HMGCS1: variants seen among roughly 807,000 people sequenced by gnomAD.
HMGCS1 encodes the protein hydroxymethylglutaryl-CoA synthase, cytoplasmic.
A neutral mutation model predicts 52.3 loss-of-function variants in HMGCS1; 9 were observed. The ratio of observed to expected loss-of-function variants is 0.17; its 90% CI spans 0.10 to 0.30. The LOEUF (loss-of-function observed/expected upper bound fraction) is 0.30, where lower values mean the gene tolerates loss of function less well. HMGCS1 is among the 10% of genes least tolerant of loss of function. The pLI is 1.00. For missense variants in HMGCS1, 320 were observed against 620.9 expected (o/e 0.52, Z 5.15); for synonymous variants, 176 against 214.4 (o/e 0.82, Z 1.57).
chr5:43,309,575 G>A (rs1174165546), intron 1 of HMGCS1, among the ~76,000 whole-genome samples: 1 of 152,168 alleles, frequency 6.6e-6, no homozygotes, highest in African/African-American at 2.4e-5. Context: ...ATTGGAGAGG[G>A]ATGTTAGGTG....
At chr5:43,293,003 G>GA (rs1753854570) in intron 8 of HMGCS1, 30 bp from the exon 9 acceptor site, 1 of 1,548,138 alleles carries the variant, frequency 6.5e-7, no homozygotes, top group Non-Finnish European at 8.7e-7. Flanking sequence ...AACATTAAAA[G>GA]ATTTTTTTGA....
At chr5:43,292,408 A>G in intron 10 of HMGCS1, 66 bp downstream of exon 10, 1 of 1,315,986 alleles carries the variant, frequency 7.6e-7, no homozygotes, top group Non-Finnish European at 1.1e-6. Flanking sequence ...ACATTTATTT[A>G]TGTTGCTAAA....
At position 43,289,929 on chromosome 5, in the gene HMGCS1, T is replaced by A. The variant is rs981848246; in HGVS notation, c.*1202A>T. On this transcript the variant is annotated 3_prime_UTR_variant, in exon 11 of 11. Transcript: ENST00000325110. ...ATGTCATAGTTCAGCACCAAAAAGA[T>A]CTACACAAAACTGTTTAACCAATCT... 6 of 152,590 alleles carry A rather than the reference T, an allele frequency of 3.9e-5. No individual in the cohort carries two copies. Among genetic ancestry groups the A allele is most frequent in the Admixed American group, 3.9e-4 (6 of 15,270 alleles). 9.5% of individuals were successfully genotyped at this position (152,590 alleles called of 1,614,324 possible). A position where few individuals can be genotyped will look rare whatever the true frequency, so the allele number is the denominator to read the frequency against.
intron 2 of HMGCS1, among the ~76,000 whole-genome samples, chr5:43,303,204 T>C (rs937152513): frequency 4.6e-5 from 7 of 152,372 alleles, no homozygotes; most frequent in African/African-American, 1.7e-4. Context: ...GCCTGAATTA[T>C]GGATTGAAAT....
intron 1 of HMGCS1, among the ~76,000 whole-genome samples, chr5:43,312,684 T>A (rs1352400330): frequency 6.6e-6 from 1 of 151,968 alleles, no homozygotes; most frequent in Non-Finnish European, 1.5e-5. Flanking sequence ...GCCTATTTTT[T>A]AAAACGTAGA....
Position 43,289,765 on chromosome 5 carries a change from C to A in HMGCS1, c.*1366G>T, listed in dbSNP as rs957181338. 2 of 152,532 alleles carry A rather than the reference C, an allele frequency of 1.3e-5. No individual in the cohort carries two copies. Among genetic ancestry groups the A allele is most frequent in the South Asian group, 2.1e-4 (1 of 4,830 alleles). 9.4% of individuals were successfully genotyped at this position (152,532 alleles called of 1,614,324 possible). ...CTACTATTACATATTACCTTGCAAT[C>A]TGAAACATTATATTTCATATTTGTG... On this transcript the variant is annotated 3_prime_UTR_variant, in exon 11 of 11. Transcript: ENST00000325110.
rs1753607358 is a variant in HMGCS1, at chr5:43,288,792, T to A, written c.*2339A>T. 6.6e-6 allele frequency: 1 copy of A among 152,186 alleles called. No individual in the cohort carries two copies. Among genetic ancestry groups the A allele is most frequent in the Non-Finnish European group, 1.5e-5 (1 of 68,038 alleles). The allele number at this position is 152,186 out of a possible 1,614,324, so 9.4% of individuals were successfully genotyped here. ...CATGACATGATGATAAAATATGAGC[T>A]GATCAGTATTAGAAAATATATAATT... On this transcript the variant is annotated 3_prime_UTR_variant, in exon 11 of 11. Coordinates refer to ENST00000325110, the MANE Select transcript of HMGCS1 (RefSeq NM_001098272.3).
Position 43,298,495 on chromosome 5 carries a change from C to T in HMGCS1, c.448+23G>A, listed in dbSNP as rs781457001. 30 of 1,577,720 alleles carry T rather than the reference C, an allele frequency of 1.9e-5. No homozygotes were observed. The highest frequency in any genetic ancestry group is 1.3e-4 in the Admixed American group (7 of 55,432). ...CTTAGAAAAAAATTTTGGGGGACGG[C>T]GGGGAATAGGCATGTAACATACCAT... is the stretch of plus-strand genomic sequence containing the variant. On this transcript the variant is annotated intron_variant, in intron 3 of 10. Coordinates refer to ENST00000325110, the MANE Select transcript of HMGCS1 (RefSeq NM_001098272.3). This position sits in a 1 kb window ranked among gnomAD's most constrained non-coding sequence, Gnocchi z 5.6.
At chr5:43,309,749 C>A (rs1414784598) in intron 1 of HMGCS1, among the ~76,000 whole-genome samples, 1 of 152,210 alleles carries the variant, frequency 6.6e-6, no homozygotes, top group Non-Finnish European at 1.5e-5. Context: ...CAGAGGGAAT[C>A]AACATGGGTC....
chr5:43,301,611 T>C (rs571881896), intron 2 of HMGCS1, among the ~76,000 whole-genome samples: 1 of 152,380 alleles, frequency 6.6e-6, no homozygotes, highest in Admixed American at 6.5e-5. Context: ...AAGTGTATTT[T>C]TACTGGGGGC....
In HMGCS1 at chr5:43,298,203, CTG is replaced by C. The variant is rs1754128950; in HGVS notation, c.449-71_449-70del. The stretch of plus-strand genomic sequence containing the variant: ...TATAACCAAACATGGAAACTGAAGT[CTG>C]TTATATTTTCCCCAGAATATGCTTT... On this transcript the variant is annotated intron_variant, in intron 3 of 10. Coordinates refer to ENST00000325110, the MANE Select transcript of HMGCS1 (RefSeq NM_001098272.3). This position sits in a 1 kb window ranked among gnomAD's most constrained non-coding sequence, Gnocchi z 5.6. The C allele has an allele frequency of 1.5e-6, 2 of 1,335,972 alleles. No individual in the cohort carries two copies. The highest frequency in any genetic ancestry group is 2.1e-6 in the Non-Finnish European group (2 of 961,946). 82.8% of individuals were successfully genotyped at this position (1,335,972 alleles called of 1,614,324 possible).
intron 1 of HMGCS1, among the ~76,000 whole-genome samples, chr5:43,309,274 C>G (rs1158751702): frequency 6.7e-6 from 1 of 150,154 alleles, no homozygotes; most frequent in Admixed American, 6.6e-5. Context: ...CTCCCTCTGT[C>G]ACCCAGACTG....
At chr5:43,296,572 A>T (rs538902765) in intron 5 of HMGCS1, among the ~76,000 whole-genome samples, 17 of 152,324 alleles carry the variant, frequency 1.1e-4, no homozygotes, top group African/African-American at 3.4e-4. Context: ...ATTAATGATA[A>T]CAGTAAAAAA....
chr5:43,305,994 C>T (rs1754555263), intron 2 of HMGCS1, among the ~76,000 whole-genome samples: 2 of 151,888 alleles, frequency 1.3e-5, no homozygotes, highest in African/African-American at 2.4e-5. Flanking sequence ...ATAAAATACA[C>T]ACATTTTCTT....
intron 8 of HMGCS1, 197 bp downstream of exon 8, chr5:43,293,859 A>G (rs1209956783): frequency 2.1e-6 from 1 of 470,318 alleles, no homozygotes; most frequent in Non-Finnish European, 3.9e-6. Flanking sequence ...GACTACAGGC[A>G]TGCACCACCT....
chr5:43,309,978 C>T (rs912224919), intron 1 of HMGCS1, among the ~76,000 whole-genome samples: 1 of 152,192 alleles, frequency 6.6e-6, no homozygotes, highest in African/African-American at 2.4e-5. Context: ...AGCCTTGATT[C>T]AAAGAAGTGG....
rs193228591 is a variant in HMGCS1, at chr5:43,307,819, C to T, written c.-64G>A. On this transcript the variant is annotated 5_prime_UTR_variant, in exon 2 of 11. Transcript: ENST00000325110. ...CCAGGTCTGTCACTGTTTCCTCCTT[C>T]GGGCACTAGGAATTTCAAACAAGAA... The T allele has an allele frequency of 7.9e-5, 12 of 152,306 alleles. 1 individual carries two copies. The East Asian group carries it at 1.5e-3, about 20-fold the overall frequency. The allele number at this position is 152,306 out of a possible 1,614,324, so 9.4% of individuals were successfully genotyped here. A position where few individuals can be genotyped will look rare whatever the true frequency, so the allele number is the denominator to read the frequency against.
At chr5:43,307,265 G>A (rs1225879540) in intron 2 of HMGCS1, among the ~76,000 whole-genome samples, 2 of 151,742 alleles carry the variant, frequency 1.3e-5, no homozygotes, top group Non-Finnish European at 2.9e-5. Context: ...TAGAGACTGG[G>A]TTTTACCATG....
At position 43,292,778 on chromosome 5, in the gene HMGCS1, G is replaced by A. The variant is rs1054443881; in HGVS notation, c.1309+70C>T. 26 of 1,544,592 alleles carry A rather than the reference G, an allele frequency of 1.7e-5. No individual in the cohort carries two copies. In the Admixed American group the frequency reaches 2.6e-4, roughly 15 times the overall value. ...TGAGTAAAGTCTTGATATCCTTATC[G>A]TATATGTAGCATCCTTAATGATATC... is the stretch of plus-strand genomic sequence containing the variant. On this transcript the variant is annotated intron_variant, in intron 9 of 10. Transcript: ENST00000325110.
Sources: allele counts gnomAD v4.1 joint callset (sites outside exome capture counted in the v4.1 genomes callset), GRCh38; gene constraint gnomAD v4.1.1; non-coding constraint Gnocchi (gnomAD v3.1); transcripts MANE v1.5; gene names NCBI Gene and HGNC (gene_info 2026-07-23, HGNC 2026-07-21).